Variants in ZNF280D observed in about 807,000 individuals in gnomAD.
ZNF280D encodes suppressor of hairy wing homolog 4.
In ZNF280D, 39 loss-of-function variants were observed where a neutral mutation model predicts 94.7. That is an observed-to-expected ratio of 0.41 (90% confidence interval 0.32 to 0.54). The LOEUF (loss-of-function observed/expected upper bound fraction) is 0.54. Among genes scored for constraint, ZNF280D ranks in the 20% least tolerant of loss-of-function variants. The pLI is 0.22. For synonymous variants in ZNF280D, 398 were observed against 377.6 expected, an observed-to-expected ratio of 1.05 and a Z score of -0.63; for missense variants, 1,090 against 1,149.3, an observed-to-expected ratio of 0.95 and a Z score of 0.75.
intron 14 of ZNF280D, chr15:56,668,382 G>A: frequency 3.1e-6 from 1 of 320,420 alleles, no homozygotes; most frequent in South Asian, 2.4e-5. Flanking sequence ...GCTTCTCAGA[G>A]TAAACTCAGT....
chr15:56,640,843 T>C (rs1437018351), intron 20 of ZNF280D, among the ~76,000 whole-genome samples: 2 of 152,158 alleles, frequency 1.3e-5, no homozygotes, highest in African/African-American at 4.8e-5. Flanking sequence ...CAAACTTGAT[T>C]GTATGTTATT....
At chr15:56,652,016 A>G (rs1336826995) in intron 19 of ZNF280D, among the ~76,000 whole-genome samples, 1 of 151,150 alleles carries the variant, frequency 6.6e-6, no homozygotes, top group Non-Finnish European at 1.5e-5. Flanking sequence ...GAGAGGAGAT[A>G]ACAAAAATTC....
chr15:56,705,236 T>C (rs1278338368), intron 3 of ZNF280D, among the ~76,000 whole-genome samples: 2 of 152,170 alleles, frequency 1.3e-5, no homozygotes, highest in Non-Finnish European at 2.9e-5. Flanking sequence ...TTATACAGAG[T>C]TCTTCAAATC....
intron 20 of ZNF280D, among the ~76,000 whole-genome samples, chr15:56,636,587 G>A (rs913611196): frequency 4.0e-5 from 6 of 150,068 alleles, no homozygotes; most frequent in Non-Finnish European, 8.9e-5. Context: ...AGGTTCAAGC[G>A]ATTCTCCTGT....
intron 17 of ZNF280D, 25 bp downstream of exon 17, chr15:56,658,397 AAG>A (rs2053686288): frequency 1.3e-6 from 2 of 1,549,910 alleles, no homozygotes; most frequent in African/African-American, 1.4e-5. Flanking sequence ...TTTCAATAGA[AAG>A]AGTAAAAAAA....
intron 17 of ZNF280D, among the ~76,000 whole-genome samples, chr15:56,655,485 G>A (rs1013731558): frequency 1.3e-5 from 2 of 152,216 alleles, no homozygotes; most frequent in South Asian, 2.1e-4. Context: ...GATTACAGGC[G>A]TGAGCCACTG....
At chr15:56,709,378 T>C (rs1343622839) in intron 1 of ZNF280D, among the ~76,000 whole-genome samples, 3 of 150,360 alleles carry the variant, frequency 2.0e-5, no homozygotes, top group African/African-American at 4.9e-5. Flanking sequence ...AGAGAGGATG[T>C]GGAGAAATAG....
intron 19 of ZNF280D, chr15:56,653,263 G>T (rs948767912): frequency 3.0e-5 from 35 of 1,177,496 alleles, no homozygotes; most frequent in Non-Finnish European, 3.6e-5. Context: ...CTTCAACTTG[G>T]ATGCTGAAGC....
intron 1 of ZNF280D, among the ~76,000 whole-genome samples, chr15:56,724,409 C>A (rs1172166177): frequency 3.9e-5 from 6 of 152,180 alleles, no homozygotes; most frequent in African/African-American, 7.2e-5. Flanking sequence ...CAGAACAGGT[C>A]AAATGCTCTA....
At chr15:56,644,380 G>A (rs2052778219) in intron 19 of ZNF280D, among the ~76,000 whole-genome samples, 1 of 151,854 alleles carries the variant, frequency 6.6e-6, no homozygotes, top group Non-Finnish European at 1.5e-5. Flanking sequence ...TAAGTTTTAA[G>A]AATAAAATTA....
chr15:56,693,288 ATGTAATTTTATAT>A, intron 6 of ZNF280D, 73 bp from the exon 7 acceptor site: 1 of 404,682 alleles, frequency 2.5e-6, no homozygotes. Flanking sequence ...ATTATATATT[ATGTAATTTTATAT>A]AATTATATAA....
At chr15:56,694,461 AAATT>A (rs1391881052) in intron 6 of ZNF280D, among the ~76,000 whole-genome samples, 1 of 152,150 alleles carries the variant, frequency 6.6e-6, no homozygotes, top group Non-Finnish European at 1.5e-5. Context: ...CAATGATTAA[AAATT>A]AAAGGAAAAA....
At chr15:56,723,455 T>C (rs1254132766) in intron 1 of ZNF280D, among the ~76,000 whole-genome samples, 1 of 152,202 alleles carries the variant, frequency 6.6e-6, no homozygotes, top group Non-Finnish European at 1.5e-5. Context: ...ATGGAATTAG[T>C]GTTGACAGTT....
rs1186579872 is a variant in ZNF280D at position 56,700,617 on chromosome 15, G to A, written c.381+316C>T. The A allele has an allele frequency of 5.7e-6, 7 of 1,237,098 alleles. No homozygotes were observed. The East Asian group carries it at 1.7e-4, about 31-fold the overall frequency. 76.6% of individuals were successfully genotyped at this position (1,237,098 alleles called of 1,614,324 possible). A position where few individuals can be genotyped will look rare whatever the true frequency, so the allele number is the denominator to read the frequency against. Reference sequence around the variant, plus strand: ...CAATTAAGAATACCTGGTCCCGTCTGCAATCTTAAATATTTGTCATTATGC... The same window carrying A: ...CAATTAAGAATACCTGGTCCCGTCTACAATCTTAAATATTTGTCATTATGC... On this transcript the variant is annotated intron_variant, in intron 6 of 21. Coordinates refer to ENST00000267807, the MANE Select transcript of ZNF280D (RefSeq NM_017661.4).
intron 1 of ZNF280D, 75 bp from the exon 2 acceptor site, chr15:56,707,381 A>G: frequency 7.8e-7 from 1 of 1,283,064 alleles, no homozygotes; most frequent in Non-Finnish European, 1.1e-6. Context: ...CTTTTCTCCT[A>G]TACAGAGGTC....
chr15:56,665,077 T>C (rs1008300065), intron 16 of ZNF280D, among the ~76,000 whole-genome samples: 1 of 152,064 alleles, frequency 6.6e-6, no homozygotes, highest in Non-Finnish European at 1.5e-5. Context: ...TAAAAGTTGA[T>C]GTGAAATGCT....
chr15:56,667,844 C>G (rs2054400658), intron 14 of ZNF280D, among the ~76,000 whole-genome samples: 1 of 152,046 alleles, frequency 6.6e-6, no homozygotes, highest in Non-Finnish European at 1.5e-5. Flanking sequence ...CCTTATTAAC[C>G]TCAGTGGATT....
At position 56,654,515 on chromosome 15, in the gene ZNF280D, A is replaced by G. The variant is rs2053412055; in HGVS notation, c.2058-12T>C. On this transcript the variant is annotated splice_polypyrimidine_tract_variant and intron_variant, in intron 17 of 21. Transcript: ENST00000267807. ...CTAGAGTAATGCCCCTAAAAAAAAA[A>G]GCATTAAAAAAAGATTTTTATCTTT... The G allele has an allele frequency of 3.2e-6, 5 of 1,550,230 alleles. No individual in the cohort carries two copies. The highest frequency in any genetic ancestry group is 4.5e-5 in the East Asian group (2 of 44,364).
At chr15:56,702,196 G>C (rs1328471808) in intron 4 of ZNF280D, among the ~76,000 whole-genome samples, 1 of 152,066 alleles carries the variant, frequency 6.6e-6, no homozygotes, top group Non-Finnish European at 1.5e-5. Context: ...CACTACAGAA[G>C]TCTTATTAGA....
Sources: gnomAD v4.1 joint callset for allele counts (sites outside exome capture counted in the v4.1 genomes callset) on GRCh38, gnomAD v4.1.1 for gene constraint, MANE v1.5 for transcripts, NCBI Gene and HGNC (gene_info 2026-07-23, HGNC 2026-07-21) for gene names.